The following FAM20A variants were observed in gnomAD, a reference collection of about 807,000 sequenced individuals.
FAM20A encodes the protein pseudokinase FAM20A.
In FAM20A, 42 loss-of-function variants were observed where a neutral mutation model predicts 52.0. The ratio of observed to expected loss-of-function variants is 0.81; its 90% CI spans 0.63 to 1.04. The LOEUF is 1.04. Among genes scored for constraint, FAM20A ranks in the 50% least tolerant of loss-of-function variants. FAM20A has a pLI of 0.00. For missense variants in FAM20A, 742 were observed against 712.7 expected (o/e 1.04, Z -0.47); for synonymous variants, 304 against 298.9 (o/e 1.02, Z -0.18).
intron 1 of FAM20A, among the ~76,000 whole-genome samples, chr17:68,572,001 TATATATATATATATATATATA>T (rs1271238436): frequency 1.1e-5 from 1 of 88,636 alleles, no homozygotes; most frequent in African/African-American, 5.0e-5. Flanking sequence ...TATATATATA[TATATATATATATATATATATA>T]TATATATATA....
At position 68,592,535 on chromosome 17, in the gene FAM20A, G is replaced by A. The variant is rs1051468064; in HGVS notation, c.404+7728C>T. ...TGTGGAGCTCAACCTAGGTGTTGACGATTGAAGGTAAATTTGCAATCTGAG... is the reference window on the plus strand; with the variant it reads ...TGTGGAGCTCAACCTAGGTGTTGACAATTGAAGGTAAATTTGCAATCTGAG... On this transcript the variant is annotated intron_variant, in intron 1 of 10. Coordinates refer to ENST00000592554, the MANE Select transcript of FAM20A (RefSeq NM_017565.4). 3.3e-5 allele frequency among the ~76,000 whole-genome samples: 5 copies of A among 152,188 alleles called. No homozygotes were observed. The East Asian group carries it at 5.8e-4, about 18-fold the overall frequency.
intron 1 of FAM20A, among the ~76,000 whole-genome samples, chr17:68,573,786 C>T (rs933903637): frequency 7.9e-5 from 12 of 151,878 alleles, no homozygotes; most frequent in African/African-American, 2.9e-4. Context: ...TGAAGTGATT[C>T]AGCCTCCCAA....
chr17:68,538,549 A>G (rs1433562757), intron 10 of FAM20A, among the ~76,000 whole-genome samples: 5 of 152,234 alleles, frequency 3.3e-5, no homozygotes, highest in Non-Finnish European at 7.3e-5. Context: ...GAAGTGTGGA[A>G]GTAAGTTAGA....
chr17:68,553,893 C>G (rs1051620608), intron 3 of FAM20A, among the ~76,000 whole-genome samples: 1 of 134,746 alleles, frequency 7.4e-6, no homozygotes, highest in Admixed American at 7.3e-5. Flanking sequence ...CCTATATACA[C>G]ATATATGCAT....
At chr17:68,593,664 C>T (rs1471192991) in intron 1 of FAM20A, among the ~76,000 whole-genome samples, 1 of 152,168 alleles carries the variant, frequency 6.6e-6, no homozygotes, top group Non-Finnish European at 1.5e-5. Flanking sequence ...ACTAACAGCC[C>T]CCAAATCCTG....
Position 68,556,579 on chromosome 17 carries a change from G to A in FAM20A, c.405-836C>T, listed in dbSNP as rs74000754. ...TGGATCCTAAAGAACGGGGCAGGGA[G>A]GGGGGGTGGTTTGGCTTGAAGGGGA... On this transcript the variant is annotated intron_variant, in intron 1 of 10. Coordinates refer to ENST00000592554, the MANE Select transcript of FAM20A (RefSeq NM_017565.4). Among the ~76,000 whole-genome samples, 109 of 152,088 alleles carry A rather than the reference G, an allele frequency of 7.2e-4. 1 individual carries two copies. Among genetic ancestry groups the A allele is most frequent in the African/African-American group, 2.4e-3 (100 of 41,492 alleles).
rs1019587313 is a variant in FAM20A, at chr17:68,536,859, C to T, written c.*618G>A. 38 of 454,100 alleles carry T rather than the reference C, an allele frequency of 8.4e-5. No individual in the cohort carries two copies. Among genetic ancestry groups the T allele is most frequent in the Non-Finnish European group, 1.5e-4 (34 of 226,802 alleles). 28.1% of individuals were successfully genotyped at this position (454,100 alleles called of 1,614,324 possible). On this transcript the variant is annotated 3_prime_UTR_variant, in exon 11 of 11. Transcript: ENST00000592554. ...TCCTTTTCTGATATTCTTAGCAAAT[C>T]CCTCTTTTATTTTTGCCACTTGTTA...
chr17:68,558,264 C>T (rs918517706), intron 1 of FAM20A: 7 of 386,940 alleles, frequency 1.8e-5, no homozygotes, highest in Middle Eastern at 8.2e-4. Context: ...GAGCTGCTGA[C>T]GAAAATGCAG....
intron 1 of FAM20A, among the ~76,000 whole-genome samples, chr17:68,589,957 T>C (rs2088258961): frequency 6.6e-6 from 1 of 152,154 alleles, no homozygotes. Flanking sequence ...CTGTAAGTAG[T>C]TGCAGCAGGA....
At chr17:68,568,121 G>C (rs2087431460) in intron 1 of FAM20A, among the ~76,000 whole-genome samples, 1 of 151,882 alleles carries the variant, frequency 6.6e-6, no homozygotes, top group Non-Finnish European at 1.5e-5. Context: ...AATAGGGGGA[G>C]TGTCTGAGTT....
intron 1 of FAM20A, among the ~76,000 whole-genome samples, chr17:68,589,798 TAATC>T (rs968933053): frequency 1.5e-4 from 23 of 152,318 alleles, no homozygotes; most frequent in Non-Finnish European, 2.4e-4. Flanking sequence ...TTTAAAAAGT[TAATC>T]AATGAAAACA....
In FAM20A at chr17:68,575,789, T is replaced by TACACACACACAC. The variant is rs1491430631; in HGVS notation, c.405-20047_405-20046insGTGTGTGTGTGT. Among the ~76,000 whole-genome samples, 193 of 41,316 alleles carry TACACACACACAC rather than the reference T, an allele frequency of 4.7e-3. 1 individual carries two copies. The highest frequency in any genetic ancestry group is 0.015 in the African/African-American group (158 of 10,278). The allele number at this position is 41,316 out of a possible 152,430, so 27.1% of individuals were successfully genotyped here. A position where few individuals can be genotyped will look rare whatever the true frequency, so the allele number is the denominator to read the frequency against. The stretch of plus-strand genomic sequence containing the variant: ...ATTTTATATATTGTATATTTTATAT[T>TACACACACACAC]ATACACACACACACACACACACACA... On this transcript the variant is annotated intron_variant, in intron 1 of 10. Transcript: ENST00000592554.
Position 68,555,529 on chromosome 17 carries a change from T to TC in FAM20A, c.589+29dup, listed in dbSNP as rs745717496. ...CCCAGACTCTCTGGGAGAAAGTCAG[T>TC]CCCCCCTTGCTTGATCCCATGAACC... On this transcript the variant is annotated intron_variant, in intron 2 of 10. Coordinates refer to ENST00000592554, the MANE Select transcript of FAM20A (RefSeq NM_017565.4). 33 of 1,611,264 alleles carry TC rather than the reference T, an allele frequency of 2.0e-5. No homozygotes were observed. The South Asian group carries it at 3.2e-4, about 16-fold the overall frequency.
intron 5 of FAM20A, among the ~76,000 whole-genome samples, chr17:68,543,140 A>G (rs1024649364): frequency 6.6e-6 from 1 of 152,148 alleles, no homozygotes; most frequent in Non-Finnish European, 1.5e-5. Context: ...GTTCAAATAC[A>G]GGGTCTGATT....
At position 68,536,718 on chromosome 17, in the gene FAM20A, A is replaced by T; in HGVS notation, c.*759T>A. 1 of 453,270 alleles carries T rather than the reference A, an allele frequency of 2.2e-6. No homozygotes were observed. The highest frequency in any genetic ancestry group is 2.0e-5 in the African/African-American group (1 of 49,784). 28.1% of individuals were successfully genotyped at this position (453,270 alleles called of 1,614,324 possible). A position where few individuals can be genotyped will look rare whatever the true frequency, so the allele number is the denominator to read the frequency against. On this transcript the variant is annotated 3_prime_UTR_variant, in exon 11 of 11. Coordinates refer to ENST00000592554, the MANE Select transcript of FAM20A (RefSeq NM_017565.4). ...CTAGGCCTGTTCCCATGCCATCCTG[A>T]CCTTGGAGGACTTTCCTTTTTTTTT...
intron 1 of FAM20A, among the ~76,000 whole-genome samples, chr17:68,577,261 C>T (rs1281360288): frequency 6.6e-6 from 1 of 152,214 alleles, no homozygotes. Context: ...ACCAATTCCC[C>T]TCTATTCTGC....
At chr17:68,573,606 C>A (rs2087638799) in intron 1 of FAM20A, among the ~76,000 whole-genome samples, 1 of 146,702 alleles carries the variant, frequency 6.8e-6, no homozygotes, top group Admixed American at 7.0e-5. Context: ...CTTTCTCTCT[C>A]TTTTCTTCCT....
At position 68,555,663 on chromosome 17, in the gene FAM20A, A is replaced by G. The variant is rs1274723587; in HGVS notation, c.485T>C (p.Val162Ala). The change falls in exon 2 of 11, where the codon GTC (valine) becomes GCC (alanine). Residue 162 changes from valine to alanine, a missense_variant. Coordinates refer to ENST00000592554, the MANE Select transcript of FAM20A (RefSeq NM_017565.4). Reference sequence around the variant, plus strand: ...GCGGTTAATACCCAGGTGGAACTGGACCCAGCTGGCCTCGAGTCGGAGCTG... The same window carrying G: ...GCGGTTAATACCCAGGTGGAACTGGGCCCAGCTGGCCTCGAGTCGGAGCTG... ...PLQLRLEASWVQFHLGINRHG... is the reference protein window; with the variant it reads ...PLQLRLEASWAQFHLGINRHG... The G allele has an allele frequency of 6.2e-7, 1 of 1,613,804 alleles. No individual in the cohort carries two copies. The highest frequency in any genetic ancestry group is 8.5e-7 in the Non-Finnish European group (1 of 1,180,028).
In FAM20A at chr17:68,552,186, C is replaced by T. The variant is rs150166663; in HGVS notation, c.641-235G>A. 2.3e-3 allele frequency among the ~76,000 whole-genome samples: 344 copies of T among 151,832 alleles called. 2 individuals carry two copies. Among genetic ancestry groups the T allele is most frequent in the African/African-American group, 7.6e-3 (315 of 41,358 alleles). On this transcript the variant is annotated intron_variant, in intron 3 of 10. Transcript: ENST00000592554. The stretch of plus-strand genomic sequence containing the variant: ...CTTTGGGAGGTGAAGGCGGGAGGAT[C>T]GCTTGAGCCCAGGAGTTTGAAACCA...
Sources: gnomAD v4.1 joint callset for allele counts (sites outside exome capture counted in the v4.1 genomes callset) on GRCh38, gnomAD v4.1.1 for gene constraint, MANE v1.5 for transcripts, NCBI Gene and HGNC (gene_info 2026-07-23, HGNC 2026-07-21) for gene names.